SHPRH: variants seen among roughly 807,000 people sequenced by gnomAD.
SHPRH encodes SNF2 histone linker PHD RING helicase, also known as E3 ubiquitin-protein ligase SHPRH.
In SHPRH, 106 loss-of-function variants were observed where a neutral mutation model predicts 202.5. That is an observed-to-expected ratio of 0.52 (90% CI 0.45 to 0.62). SHPRH has a LOEUF of 0.62. Ranked by LOEUF, SHPRH falls within the 20% of genes least tolerant of loss-of-function variation. The pLI, the probability that SHPRH is intolerant of heterozygous loss-of-function variation, is 0.00. For missense variants in SHPRH, 1,710 were observed against 2,020.0 expected (o/e 0.85, Z 2.94); for synonymous variants, 729 against 686.0 (o/e 1.06, Z -0.98).
chr6:145,946,147 C>T lies in SHPRH; in HGVS notation c.1321+86G>A, dbSNP rs1040284315. 1.1e-5 allele frequency: 10 copies of T among 933,110 alleles called. No homozygotes were observed. The African/African-American group carries it at 1.5e-4, about 14-fold the overall frequency. 57.8% of individuals were successfully genotyped at this position (933,110 alleles called of 1,614,324 possible). On this transcript the variant is annotated intron_variant, in intron 7 of 29. Coordinates refer to ENST00000275233, the MANE Select transcript of SHPRH (RefSeq NM_001042683.3). ...TAACTGTAAAAACAATTGTTTATAA[C>T]AATTACAAGATATCTCTAAGGATTG...
At chr6:145,947,776 A>AAACAATTC in intron 5 of SHPRH, 133 bp from the exon 6 acceptor site, 1 of 1,143,784 alleles carries the variant, frequency 8.7e-7, no homozygotes, top group Non-Finnish European at 1.2e-6. Context: ...TTTTAGGGCA[A>AAACAATTC]AACAATTCAA....
downstream of SHPRH, among the ~76,000 whole-genome samples, chr6:145,861,927 G>T (rs1583239382): frequency 6.6e-6 from 1 of 152,244 alleles, no homozygotes; most frequent in East Asian, 1.9e-4. Context: ...AACACAGCAT[G>T]ATCTCACTGA....
chr6:145,913,533 G>A lies in SHPRH; in HGVS notation c.4271C>T (p.Ser1424Leu), dbSNP rs772399061. The change falls in exon 24 of 30, where the codon TCG (serine) becomes TTG (leucine). Residue 1424 changes from serine to leucine, a missense_variant. Ser to Leu is a moderately radical substitution (Grantham distance 145). Around this residue, in one of 8 missense-constraint regions of SHPRH, gnomAD observed 306 missense variants for 479.5 expected, o/e 0.64. Coordinates refer to ENST00000275233, the MANE Select transcript of SHPRH (RefSeq NM_001042683.3). ...TNLEKSQDKT[S>L]GGVNPEPCPI... ...GCAAGGTTCTGGATTAACACCTCCC[G>A]ATGTTTTATCTTGAGACTATCCAAA... 1.4e-5 allele frequency: 23 copies of A among 1,607,518 alleles called. No homozygotes were observed. The Admixed American group carries it at 1.5e-4, about 11-fold the overall frequency.
chr6:145,898,461 T>C (rs1368271096), intron 25 of SHPRH, among the ~76,000 whole-genome samples: 2 of 152,074 alleles, frequency 1.3e-5, no homozygotes, highest in Non-Finnish European at 2.9e-5. Context: ...TTCACAGAAA[T>C]AGTGCTATGA....
downstream of SHPRH, chr6:145,884,687 G>A (rs1157598278): frequency 1.3e-5 from 2 of 152,072 alleles, no homozygotes; most frequent in Non-Finnish European, 2.9e-5. Flanking sequence ...TTTTTAAGAT[G>A]TAATAAATGT....
At chr6:145,867,957 G>A (rs1024306845) in intron 2 of SHPRH, among the ~76,000 whole-genome samples, 1 of 152,102 alleles carries the variant, frequency 6.6e-6, no homozygotes, top group Non-Finnish European at 1.5e-5. Flanking sequence ...ACTTTGCCAA[G>A]TGCATTAGTT....
At chr6:145,879,488 CCTTTT>C (rs1475222759) in intron 2 of SHPRH, among the ~76,000 whole-genome samples, 5 of 152,262 alleles carry the variant, frequency 3.3e-5, no homozygotes, top group Admixed American at 1.3e-4. Flanking sequence ...AAAATTCTTT[CCTTTT>C]CTTAAAATTT....
At chr6:145,957,107 G>A (rs1030269208) in intron 1 of SHPRH, among the ~76,000 whole-genome samples, 5 of 152,178 alleles carry the variant, frequency 3.3e-5, no homozygotes, top group Middle Eastern at 3.4e-3. Context: ...ATTTTTGAAA[G>A]AAGTTCAGAG....
intron 2 of SHPRH, chr6:145,871,585 T>C (rs1384851422): frequency 6.6e-6 from 1 of 152,158 alleles, no homozygotes; most frequent in Admixed American, 6.6e-5. Flanking sequence ...TGCTCATGGA[T>C]AGGAAGAATC....
chr6:145,946,594 A>C (rs1787403542), intron 6 of SHPRH, among the ~76,000 whole-genome samples: 1 of 152,024 alleles, frequency 6.6e-6, no homozygotes, highest in Non-Finnish European at 1.5e-5. Context: ...TTAACTTTTA[A>C]AGGTATATTT....
chr6:145,896,719 T>C (rs953689492), intron 25 of SHPRH, among the ~76,000 whole-genome samples: 3 of 151,812 alleles, frequency 2.0e-5, no homozygotes, highest in Non-Finnish European at 4.4e-5. Flanking sequence ...GACAATGGAA[T>C]GAAACTAGAA....
intron 25 of SHPRH, among the ~76,000 whole-genome samples, chr6:145,897,150 T>A (rs1235438904): frequency 1.3e-5 from 2 of 151,672 alleles, no homozygotes; most frequent in African/African-American, 2.4e-5. Context: ...GGACAACCCT[T>A]TAGGTAGACT....
Position 145,943,661 on chromosome 6 carries a change from T to G in SHPRH, c.1720A>C (p.Ser574Arg). 6.2e-7 allele frequency: 1 copy of G among 1,613,940 alleles called. No homozygotes were observed. Among genetic ancestry groups the G allele is most frequent in the South Asian group, 1.1e-5 (1 of 91,084 alleles). ...GGAACAAGCTTTTTCCTCAATTTAC[T>G]GCGATTTCTCCTGGACTTATAATAA... is the stretch of plus-strand genomic sequence containing the variant. ...YYYYKSRRNRSKLRKKLVPST... is the reference protein window; with the variant it reads ...YYYYKSRRNRRKLRKKLVPST... Residue 574 changes from serine (S) to arginine (R), a missense_variant, in exon 9 of 30, where the codon AGT (serine) becomes CGT (arginine). Coordinates refer to ENST00000275233, the MANE Select transcript of SHPRH (RefSeq NM_001042683.3).
chr6:145,895,022 G>GTT, intron 25 of SHPRH, 45 bp from the exon 26 acceptor site: 13 of 1,550,234 alleles, frequency 8.4e-6, no homozygotes, highest in Non-Finnish European at 1.2e-5. Context: ...AAAAAATCTA[G>GTT]TTAAGAACAG....
downstream of SHPRH, chr6:145,883,578 A>C (rs1315379348): frequency 6.6e-6 from 1 of 152,216 alleles, no homozygotes; most frequent in East Asian, 1.9e-4. Context: ...CTTCCATGTG[A>C]TAAGCATTCA....
chr6:145,907,723 C>T (rs1205604619), intron 25 of SHPRH: 1 of 152,098 alleles, frequency 6.6e-6, no homozygotes, highest in Non-Finnish European at 1.5e-5. Flanking sequence ...ATTCATCATT[C>T]ATCCTTTAGA....
chr6:145,924,097 T>C (rs184929553), intron 17 of SHPRH, among the ~76,000 whole-genome samples: 1 of 152,108 alleles, frequency 6.6e-6, no homozygotes, highest in East Asian at 1.9e-4. Flanking sequence ...ACTCAATCTA[T>C]ATGTGTGAAA....
intron 28 of SHPRH, among the ~76,000 whole-genome samples, chr6:145,891,986 G>C (rs190699751): frequency 6.6e-6 from 1 of 152,072 alleles, no homozygotes; most frequent in East Asian, 1.9e-4. Context: ...GAACAAGCCC[G>C]CATTTATTAC....
At chr6:145,957,915 G>A (rs1246687846) in intron 1 of SHPRH, among the ~76,000 whole-genome samples, 1 of 152,148 alleles carries the variant, frequency 6.6e-6, no homozygotes, top group Non-Finnish European at 1.5e-5. Flanking sequence ...CAAACTGGAA[G>A]AAAACCCAAA....
Sources: allele counts gnomAD v4.1 joint callset (sites outside exome capture counted in the v4.1 genomes callset), GRCh38; gene constraint gnomAD v4.1.1; regional missense constraint gnomAD v4.1.1; transcripts MANE v1.5; gene names NCBI Gene and HGNC (gene_info 2026-07-23, HGNC 2026-07-21).